ATP9B: variants seen among roughly 807,000 people sequenced by gnomAD.
ATP9B encodes ATPase phospholipid transporting 9B.
Under a neutral mutation model 146.1 loss-of-function variants are expected in ATP9B, and 110 were observed. That is an observed-to-expected ratio of 0.75 (90% CI 0.65 to 0.88). The LOEUF (loss-of-function observed/expected upper bound fraction) is 0.88. Among genes scored for constraint, ATP9B ranks in the 40% least tolerant of loss-of-function variants. The probability of loss-of-function intolerance (pLI) is 0.00; values close to 1 mark genes in which losing one functional copy is unlikely to be tolerated. For synonymous variants in ATP9B, 604 were observed against 569.7 expected (o/e 1.06, Z -0.86); for missense variants, 1,499 against 1,496.4 (o/e 1.00, Z -0.03).
At chr18:79,275,699 G>T (rs1050069023) in intron 12 of ATP9B, among the ~76,000 whole-genome samples, 1 of 152,242 alleles carries the variant, frequency 6.6e-6, no homozygotes. Context: ...TGCACCAAGA[G>T]GCCAAGTGGC....
At chr18:79,182,347 T>G (rs973871239) in intron 8 of ATP9B, among the ~76,000 whole-genome samples, 2 of 152,246 alleles carry the variant, frequency 1.3e-5, no homozygotes. Flanking sequence ...TCACTTTCAG[T>G]AACACTCAGG....
intron 13 of ATP9B, among the ~76,000 whole-genome samples, chr18:79,290,465 A>G (rs2096491515): frequency 6.6e-6 from 1 of 152,070 alleles, no homozygotes; most frequent in Admixed American, 6.6e-5. Flanking sequence ...TAAGCCCGTC[A>G]GAAAAGTGCA....
At chr18:79,112,133 C>T (rs1026590909) in intron 3 of ATP9B, among the ~76,000 whole-genome samples, 2 of 152,092 alleles carry the variant, frequency 1.3e-5, no homozygotes, top group African/African-American at 4.8e-5. Context: ...TGCAGATAAC[C>T]TCATTTTCTG....
intron 1 of ATP9B, among the ~76,000 whole-genome samples, chr18:79,083,478 C>T (rs937300645): frequency 2.0e-5 from 3 of 152,172 alleles, no homozygotes; most frequent in East Asian, 1.9e-4. Context: ...GCAGCTAGCT[C>T]GGTGTCTGCC....
intron 11 of ATP9B, among the ~76,000 whole-genome samples, chr18:79,217,626 G>T (rs777466773): frequency 6.6e-6 from 1 of 152,238 alleles, no homozygotes; most frequent in Non-Finnish European, 1.5e-5. Context: ...TGGGCGAAAG[G>T]TAACATGTAA....
rs568169242 is a variant in ATP9B at position 79,160,919 on chromosome 18, G to A, written c.778+6364G>A. Among the ~76,000 whole-genome samples, 6 of 152,126 alleles carry A rather than the reference G, an allele frequency of 3.9e-5. No individual in the cohort carries two copies. In the East Asian group the frequency reaches 7.8e-4, roughly 20 times the overall value. On this transcript the variant is annotated intron_variant, in intron 7 of 29. Coordinates refer to ENST00000426216, the MANE Select transcript of ATP9B (RefSeq NM_198531.5). ...CCTGAGTAGCTGGGACTCCAGGCAC[G>A]CCACCACTCCTGGCTGATTTTTGTA...
chr18:79,262,550 A>G (rs1404204408), intron 12 of ATP9B, among the ~76,000 whole-genome samples: 1 of 152,232 alleles, frequency 6.6e-6, no homozygotes, highest in Non-Finnish European at 1.5e-5. Flanking sequence ...TGAACTCAGA[A>G]AATTCAGAGT....
chr18:79,110,250 G>A lies in ATP9B; in HGVS notation c.294-105G>A, dbSNP rs973681274. The A allele has an allele frequency of 5.3e-6, 6 of 1,134,784 alleles. 1 individual carries two copies. Among genetic ancestry groups the A allele is most frequent in the South Asian group, 4.2e-5 (2 of 47,952 alleles). The allele number at this position is 1,134,784 out of a possible 1,614,324, so 70.3% of individuals were successfully genotyped here. A position where few individuals can be genotyped will look rare whatever the true frequency, so the allele number is the denominator to read the frequency against. ...GCATTAGGTGTGCTATTAGTGTGTG[G>A]TGAATACAGAAACAATCAATATTGA... On this transcript the variant is annotated intron_variant, in intron 2 of 29. Transcript: ENST00000426216.
At chr18:79,325,332 G>C (rs764492105) in intron 15 of ATP9B, among the ~76,000 whole-genome samples, 3 of 152,086 alleles carry the variant, frequency 2.0e-5, no homozygotes, top group Non-Finnish European at 2.9e-5. Flanking sequence ...TGAAATGACT[G>C]CAAATGTAGG....
At chr18:79,348,110 C>A (rs2096900980) in intron 24 of ATP9B, 22 bp from the exon 25 acceptor site, 11 of 1,613,792 alleles carry the variant, frequency 6.8e-6, no homozygotes, top group Non-Finnish European at 8.5e-6. Context: ...CAGTTGTCTT[C>A]GTCTGTGGGC....
chr18:79,245,857 CCGCCCTACTGTCTGTGCGGAGGG>C lies in ATP9B; in HGVS notation c.1108-7522_1108-7500del, dbSNP rs1402074570. ...ACCACCCTACTGACTGCGGAGGGCA[CCGCCCTACTGTCTGTGCGGAGGG>C]CACCGCTCTACTGACTGAGGAGGGC... On this transcript the variant is annotated intron_variant, in intron 11 of 29. Coordinates refer to ENST00000426216, the MANE Select transcript of ATP9B (RefSeq NM_198531.5). 1.4e-4 allele frequency among the ~76,000 whole-genome samples: 21 copies of C among 145,480 alleles called. No individual in the cohort carries two copies. The East Asian group carries it at 1.9e-3, about 13-fold the overall frequency.
chr18:79,095,034 C>A (rs1030216118), intron 1 of ATP9B, among the ~76,000 whole-genome samples: 2 of 152,134 alleles, frequency 1.3e-5, no homozygotes, highest in Non-Finnish European at 2.9e-5. Context: ...TCCTGAGACT[C>A]CCTGTATTCT....
chr18:79,096,166 G>T (rs923668729), intron 1 of ATP9B, among the ~76,000 whole-genome samples: 35 of 152,168 alleles, frequency 2.3e-4, no homozygotes, highest in African/African-American at 7.7e-4. Context: ...ACTGGATTAA[G>T]TGCAGTGAGG....
chr18:79,373,663 G>T (rs1044614079), intron 27 of ATP9B, among the ~76,000 whole-genome samples: 2 of 151,886 alleles, frequency 1.3e-5, no homozygotes, highest in African/African-American at 4.8e-5. Context: ...CTAATTTTTT[G>T]TATCTTTAGT....
intron 13 of ATP9B, among the ~76,000 whole-genome samples, chr18:79,286,712 T>A (rs2096446664): frequency 6.6e-6 from 1 of 152,126 alleles, no homozygotes; most frequent in Admixed American, 6.5e-5. Flanking sequence ...TCAAAGGGAA[T>A]GCTTCCAGTT....
chr18:79,361,886 T>C (rs2096991416), intron 26 of ATP9B: 2 of 766,888 alleles, frequency 2.6e-6, no homozygotes, highest in Non-Finnish European at 3.2e-6. Flanking sequence ...GCTCCTGCGA[T>C]GTAGGACAAC....
chr18:79,312,772 C>G (rs1232882313), intron 15 of ATP9B, among the ~76,000 whole-genome samples: 1 of 152,136 alleles, frequency 6.6e-6, no homozygotes, highest in Non-Finnish European at 1.5e-5. Flanking sequence ...TTAGCAAGGC[C>G]ATGTCCCAAA....
chr18:79,340,580 T>C (rs888211890), intron 19 of ATP9B: 2 of 152,196 alleles, frequency 1.3e-5, no homozygotes, highest in African/African-American at 4.8e-5. Context: ...TTTCCAAAAA[T>C]GCATATTTCA....
intron 4 of ATP9B, among the ~76,000 whole-genome samples, chr18:79,118,906 C>T (rs992270027): frequency 6.6e-6 from 1 of 151,640 alleles, no homozygotes; most frequent in Non-Finnish European, 1.5e-5. Context: ...TCCATCTCTA[C>T]CAAAAAATAG....
Sources: allele counts gnomAD v4.1 joint callset (sites outside exome capture counted in the v4.1 genomes callset), GRCh38; gene constraint gnomAD v4.1.1; transcripts MANE v1.5; gene names NCBI Gene and HGNC (gene_info 2026-07-23, HGNC 2026-07-21).